PCDHGA1: variants seen among roughly 807,000 people sequenced by gnomAD.
PCDHGA1 encodes the protein protocadherin gamma subfamily A, 1, also known as protocadherin gamma-A1.
In PCDHGA1, 32 loss-of-function variants were observed where a neutral mutation model predicts 58.0. The ratio of observed to expected loss-of-function variants is 0.55; its 90% CI spans 0.42 to 0.74. The LOEUF (loss-of-function observed/expected upper bound fraction) is 0.74. Ranked by LOEUF, PCDHGA1 falls within the 30% of genes least tolerant of loss-of-function variation. PCDHGA1 has a pLI of 0.00. For synonymous variants in PCDHGA1, 498 were observed against 501.1 expected (o/e 0.99, Z 0.08); for missense variants, 1,205 against 1,182.3 (o/e 1.02, Z -0.28).
chr5:141,425,426 A>T (rs1227154364), intron 1 of PCDHGA1, among the ~76,000 whole-genome samples: 1 of 152,236 alleles, frequency 6.6e-6, no homozygotes, highest in African/African-American at 2.4e-5. Flanking sequence ...AGTCCCATTA[A>T]ATAGAGGATA....
rs564486909 is a variant in PCDHGA1, at chr5:141,428,072, G to C, written c.2422-66735G>C. ...AGGTGGTGGCGGTGGACGCAGATTC[G>C]GGACACAACGCTTGGCTGTCCTACC... is the stretch of plus-strand genomic sequence containing the variant. On this transcript the variant is annotated intron_variant, in intron 1 of 3. Transcript: ENST00000517417. 5 of 1,609,080 alleles carry C rather than the reference G, an allele frequency of 3.1e-6. 1 individual carries two copies. The South Asian group carries it at 5.5e-5, about 18-fold the overall frequency.
At position 141,332,386 on chromosome 5, in the gene PCDHGA1, C is replaced by A. The variant is rs754266056; in HGVS notation, c.1702C>A (p.Pro568Thr). ...GCCCGAGATCCTGTACCCCGCCCTC[C>A]CCACAGATGGTTCTACCGGCGTGGA... ...NAPEILYPAL[P>T]TDGSTGVELA... The change falls in exon 1 of 4, where the codon CCC (proline) becomes ACC (threonine). Residue 568 changes from proline (P) to threonine (T), a missense_variant. Pro to Thr is a conservative substitution (Grantham distance 38, BLOSUM62 -1). Transcript: ENST00000517417. The surrounding 1 kb of genome is among the most constrained non-coding windows in gnomAD (Gnocchi z 4.6). 6.2e-7 allele frequency: 1 copy of A among 1,614,216 alleles called. No homozygotes were observed. Among genetic ancestry groups the A allele is most frequent in the South Asian group, 1.1e-5 (1 of 91,082 alleles).
Position 141,489,079 on chromosome 5 carries a change from C to CCCCA in PCDHGA1, c.2422-5727_2422-5726insCCAC. ...CTCCCCTCCCCCCTGCCCACCCCCGCCACTCGGTGACTAAGAACTGCTGCA... is the reference window on the plus strand; with the variant it reads ...CTCCCCTCCCCCCTGCCCACCCCCGCCCCACACTCGGTGACTAAGAACTGCTGCA... On this transcript the variant is annotated intron_variant, in intron 1 of 3. Transcript: ENST00000517417. This position sits in a 1 kb window ranked among gnomAD's most constrained non-coding sequence, Gnocchi z 4.5. The CCCCA allele has an allele frequency of 9.1e-6, 3 of 329,992 alleles. No homozygotes were observed. Among genetic ancestry groups the CCCCA allele is most frequent in the African/African-American group, 2.4e-5 (1 of 41,312 alleles). The allele number at this position is 329,992 out of a possible 1,614,324, so 20.4% of individuals were successfully genotyped here.
In PCDHGA1 at chr5:141,431,211, G is replaced by A. The variant is rs1054638121; in HGVS notation, c.2422-63596G>A. The A allele has an allele frequency of 6.2e-7, 1 of 1,614,004 alleles. No individual in the cohort carries two copies. The highest frequency in any genetic ancestry group is 1.7e-5 in the Admixed American group (1 of 60,006). ...AGTGAAAATGCAGCCACTGAGATGC[G>A]GTTCCCTCTACCCCACGCCTGGGAT... On this transcript the variant is annotated intron_variant, in intron 1 of 3. Coordinates refer to ENST00000517417, the MANE Select transcript of PCDHGA1 (RefSeq NM_018912.3). This position sits in a 1 kb window ranked among gnomAD's most constrained non-coding sequence, Gnocchi z 4.8.
intron 1 of PCDHGA1, among the ~76,000 whole-genome samples, chr5:141,382,554 T>C (rs1388983108): frequency 6.6e-6 from 1 of 152,216 alleles, no homozygotes; most frequent in African/African-American, 2.4e-5. Flanking sequence ...CAGGGATATC[T>C]AGAGCAAAGA....
rs1414614588 is a variant in PCDHGA1 at position 141,331,870 on chromosome 5, AAGTT to A, written c.1191_1194del (p.Val398IlefsTer6). 6.2e-7 allele frequency: 1 copy of A among 1,614,208 alleles called. No homozygotes were observed. The highest frequency in any genetic ancestry group is 1.7e-5 in the Admixed American group (1 of 60,030). ...TGGAAATTTACCCTTTAAATTGGAA[AAGTT>A]AGTTGATAATTATTACCGTTTAGTG... is the stretch of plus-strand genomic sequence containing the variant. On this transcript the variant is annotated frameshift_variant, in exon 1 of 4. Coordinates refer to ENST00000517417, the MANE Select transcript of PCDHGA1 (RefSeq NM_018912.3). LOFTEE classifies it high-confidence loss of function.
At chr5:141,389,911 G>A in intron 1 of PCDHGA1, 1 of 1,614,066 alleles carries the variant, frequency 6.2e-7, no homozygotes, top group South Asian at 1.1e-5. Flanking sequence ...ATCACTGACC[G>A]CCCCGACCCC....
chr5:141,419,333 A>G, intron 1 of PCDHGA1: 2 of 1,613,804 alleles, frequency 1.2e-6, no homozygotes, highest in South Asian at 1.1e-5. Context: ...CTACTCTCTC[A>G]TTGCCAGCGA....
At chr5:141,471,073 G>A (rs2099249169) in intron 1 of PCDHGA1, among the ~76,000 whole-genome samples, 2 of 143,298 alleles carry the variant, frequency 1.4e-5, no homozygotes, top group Non-Finnish European at 3.0e-5. Flanking sequence ...TTTTGAGACA[G>A]GGTCTCCCTC....
intron 1 of PCDHGA1, among the ~76,000 whole-genome samples, chr5:141,448,869 T>C (rs1375609555): frequency 6.6e-6 from 1 of 151,930 alleles, no homozygotes; most frequent in Non-Finnish European, 1.5e-5. Flanking sequence ...GGCGTGAACC[T>C]GGGAGGCGGA....
In PCDHGA1 at chr5:141,490,134, C is replaced by G; in HGVS notation, c.2422-4673C>G. On this transcript the variant is annotated intron_variant, in intron 1 of 3. Transcript: ENST00000517417. This position sits in a 1 kb window ranked among gnomAD's most constrained non-coding sequence, Gnocchi z 5.4. ...GGAACCTCTTTGGCCTAGACCCTAG[C>G]AGTGGGGCAATCCATGTGTTGGGTC... The G allele has an allele frequency of 1.2e-6, 2 of 1,614,232 alleles. No homozygotes were observed. The highest frequency in any genetic ancestry group is 1.7e-6 in the Non-Finnish European group (2 of 1,180,030).
At position 141,486,878 on chromosome 5, in the gene PCDHGA1, C is replaced by T. The variant is rs772994346; in HGVS notation, c.2422-7929C>T. ...CAATGCTCCAGCTGTGCTCCGTCCT[C>T]GGGCCCGGCCTGGTTCCTTATGTCC... On this transcript the variant is annotated intron_variant, in intron 1 of 3. Transcript: ENST00000517417. The surrounding 1 kb of genome is among the most constrained non-coding windows in gnomAD (Gnocchi z 5.0). 3.0e-5 allele frequency: 49 copies of T among 1,614,114 alleles called. No homozygotes were observed. The highest frequency in any genetic ancestry group is 4.4e-5 in the South Asian group (4 of 91,088).
intron 1 of PCDHGA1, among the ~76,000 whole-genome samples, chr5:141,397,708 T>A (rs1409305799): frequency 6.6e-6 from 1 of 152,250 alleles, no homozygotes; most frequent in East Asian, 1.9e-4. Context: ...ACGTGATATT[T>A]CTAACAATTT....
At chr5:141,457,356 C>G (rs2098917888) in intron 1 of PCDHGA1, among the ~76,000 whole-genome samples, 1 of 152,170 alleles carries the variant, frequency 6.6e-6, no homozygotes, top group South Asian at 2.1e-4. Context: ...TTACCTGGCA[C>G]AATTTGCAAA....
chr5:141,486,345 A>C lies in PCDHGA1; in HGVS notation c.2422-8462A>C. On this transcript the variant is annotated intron_variant, in intron 1 of 3. Coordinates refer to ENST00000517417, the MANE Select transcript of PCDHGA1 (RefSeq NM_018912.3). This position sits in a 1 kb window ranked among gnomAD's most constrained non-coding sequence, Gnocchi z 5.0. Reference sequence around the variant, plus strand: ...GGAGATGTGAGCCTCCGCATTCCTGACCACTTGCCATTTGCCCTCAAGTCT... The same window carrying C: ...GGAGATGTGAGCCTCCGCATTCCTGCCCACTTGCCATTTGCCCTCAAGTCT... The C allele has an allele frequency of 6.2e-7, 1 of 1,613,940 alleles. No homozygotes were observed. The highest frequency in any genetic ancestry group is 8.5e-7 in the Non-Finnish European group (1 of 1,179,986).
intron 1 of PCDHGA1, among the ~76,000 whole-genome samples, chr5:141,449,869 T>G (rs1003364964): frequency 6.6e-6 from 1 of 151,924 alleles, no homozygotes; most frequent in African/African-American, 2.4e-5. Flanking sequence ...ATCAGAAAAT[T>G]TAACATCAAT....
chr5:141,428,858 GACT>G (rs1348026268), intron 1 of PCDHGA1: 1 of 139,194 alleles, frequency 7.2e-6, no homozygotes, highest in African/African-American at 3.0e-5. Flanking sequence ...TTTTACGGGA[GACT>G]TTTTTTTTTT....
chr5:141,438,579 CATACATACATACATAT>C (rs1360889040), intron 1 of PCDHGA1, among the ~76,000 whole-genome samples: 18 of 55,776 alleles, frequency 3.2e-4, no homozygotes, highest in Non-Finnish European at 5.1e-4. Context: ...GATATACATA[CATACATACATACATAT>C]ATATATATAT....
At position 141,404,686 on chromosome 5, in the gene PCDHGA1, A is replaced by G. The variant is rs1281158377; in HGVS notation, c.2421+71581A>G. On this transcript the variant is annotated intron_variant, in intron 1 of 3. Transcript: ENST00000517417. ...ATGGTTCTACTGGTGTGGAGCTGGC[A>G]CCCCGCTCTGCAGAGCCTGGCTACC... 4 of 1,613,710 alleles carry G rather than the reference A, an allele frequency of 2.5e-6. No individual in the cohort carries two copies. In the African/African-American group the frequency reaches 5.3e-5, roughly 22 times the overall value.
Sources: allele counts gnomAD v4.1 joint callset (sites outside exome capture counted in the v4.1 genomes callset), GRCh38; gene constraint gnomAD v4.1.1; non-coding constraint Gnocchi (gnomAD v3.1); transcripts MANE v1.5; gene names NCBI Gene and HGNC (gene_info 2026-07-23, HGNC 2026-07-21).